The following GRM7 variants were observed in gnomAD, a reference collection of about 807,000 sequenced individuals.
The protein encoded by GRM7 is metabotropic glutamate receptor 7.
GRM7 carries 35 observed loss-of-function variants against 84.5 expected under a neutral mutation model. The ratio of observed to expected loss-of-function variants is 0.41; its 90% CI spans 0.32 to 0.55. The LOEUF (loss-of-function observed/expected upper bound fraction) is 0.55, where lower values mean the gene tolerates loss of function less well. Among genes scored for constraint, GRM7 ranks in the 20% least tolerant of loss-of-function variants. The pLI is 0.19. For synonymous variants in GRM7, 487 were observed against 455.1 expected, an observed-to-expected ratio of 1.07 and a Z score of -0.89; for missense variants, 1,003 against 1,194.6, an observed-to-expected ratio of 0.84 and a Z score of 2.36.
chr3:7,679,850 C>T (rs138731363), intron 8 of GRM7, among the ~76,000 whole-genome samples, 199 bp from the exon 9 acceptor site: 3 of 152,282 alleles, frequency 2.0e-5, no homozygotes, highest in African/African-American at 7.2e-5. Context: ...TGGATTGACC[C>T]AATAGCATTC....
intron 2 of GRM7, among the ~76,000 whole-genome samples, chr3:7,232,376 A>G (rs550538348): frequency 2.2e-4 from 33 of 152,310 alleles, no homozygotes; most frequent in African/African-American, 7.7e-4. Context: ...GAGTTGAGAT[A>G]CCATAAAGAG....
intron 1 of GRM7, chr3:6,956,603 C>T (rs1341851877): frequency 2.2e-6 from 1 of 456,680 alleles, no homozygotes; most frequent in Non-Finnish European, 4.4e-6. Flanking sequence ...TTTCCCAATC[C>T]TAAACGTCCT....
chr3:7,622,850 C>T (rs1242117387), intron 8 of GRM7, among the ~76,000 whole-genome samples: 2 of 152,116 alleles, frequency 1.3e-5, no homozygotes, highest in Non-Finnish European at 2.9e-5. Context: ...CGTGTTATTT[C>T]CTCTGACCCT....
chr3:6,885,269 C>T (rs1405033570), intron 1 of GRM7, among the ~76,000 whole-genome samples: 2 of 152,154 alleles, frequency 1.3e-5, no homozygotes, highest in Non-Finnish European at 2.9e-5. Context: ...AGCAGGGCTA[C>T]CCCCTAGGCA....
chr3:7,627,671 G>C (rs1475638757), intron 8 of GRM7, among the ~76,000 whole-genome samples: 1 of 152,152 alleles, frequency 6.6e-6, no homozygotes, highest in Non-Finnish European at 1.5e-5. Context: ...GAACTGGGTG[G>C]TGGAAACAAC....
chr3:7,000,312 C>T (rs1488412625), intron 1 of GRM7, among the ~76,000 whole-genome samples: 1 of 151,800 alleles, frequency 6.6e-6, no homozygotes, highest in Non-Finnish European at 1.5e-5. Context: ...GCTGAGATTA[C>T]AGGTGCCTGC....
intron 2 of GRM7, among the ~76,000 whole-genome samples, chr3:7,249,653 C>G (rs1463807461): frequency 6.6e-6 from 1 of 151,912 alleles, no homozygotes; most frequent in Non-Finnish European, 1.5e-5. Context: ...TGTATTGAAA[C>G]AGACAAATCA....
intron 2 of GRM7, among the ~76,000 whole-genome samples, chr3:7,251,684 A>G (rs1325018100): frequency 2.6e-5 from 4 of 152,150 alleles, no homozygotes; most frequent in African/African-American, 9.7e-5. Flanking sequence ...AAGCACATTA[A>G]CTACCAGTCA....
At chr3:6,917,338 G>A (rs1034993541) in intron 1 of GRM7, among the ~76,000 whole-genome samples, 1 of 148,206 alleles carries the variant, frequency 6.7e-6, no homozygotes, top group Non-Finnish European at 1.5e-5. Flanking sequence ...TAAGTAAATT[G>A]TAAGTGATAA....
intron 5 of GRM7, among the ~76,000 whole-genome samples, chr3:7,435,851 C>CTTTTTTTT (rs34860272): frequency 7.6e-3 from 681 of 89,156 alleles, no homozygotes; most frequent in Non-Finnish European, 8.5e-3. Context: ...CCACACCCAT[C>CTTTTTTTT]TTTTTTTTTT....
intron 1 of GRM7, among the ~76,000 whole-genome samples, chr3:6,864,658 A>T (rs1253817229): frequency 6.6e-6 from 1 of 152,228 alleles, no homozygotes; most frequent in Non-Finnish European, 1.5e-5. Context: ...TTTAGGGACC[A>T]TGCCAAACCG....
chr3:7,092,512 A>G (rs1458860449), intron 1 of GRM7, among the ~76,000 whole-genome samples: 34 of 151,958 alleles, frequency 2.2e-4, no homozygotes, highest in Admixed American at 2.2e-3. Context: ...TAAATAGTCA[A>G]ATGCTTACTG....
chr3:6,893,734 C>G (rs998402999), intron 1 of GRM7, among the ~76,000 whole-genome samples: 2 of 152,074 alleles, frequency 1.3e-5, no homozygotes, highest in South Asian at 4.1e-4. Flanking sequence ...ATTTCCTTAC[C>G]AAACATTTTA....
At chr3:7,208,805 G>GGTGGT (rs1280836998) in intron 2 of GRM7, among the ~76,000 whole-genome samples, 1 of 152,158 alleles carries the variant, frequency 6.6e-6, no homozygotes, top group Non-Finnish European at 1.5e-5. Flanking sequence ...TAAGAGCAAA[G>GGTGGT]GTGGTGAACA....
At chr3:7,450,770 G>A (rs1456164457) in intron 5 of GRM7, among the ~76,000 whole-genome samples, 1 of 151,924 alleles carries the variant, frequency 6.6e-6, no homozygotes, top group Non-Finnish European at 1.5e-5. Flanking sequence ...CCCGTGACAG[G>A]CAGTGAGCAT....
At chr3:7,661,663 G>A (rs373890904) in intron 8 of GRM7, among the ~76,000 whole-genome samples, 3 of 151,360 alleles carry the variant, frequency 2.0e-5, no homozygotes, top group Non-Finnish European at 4.4e-5. Flanking sequence ...GCGTCGTGGC[G>A]GGCGCCTGTG....
At chr3:7,671,376 C>G (rs1699913537) in intron 8 of GRM7, among the ~76,000 whole-genome samples, 1 of 152,092 alleles carries the variant, frequency 6.6e-6, no homozygotes. Context: ...GACACTGCAT[C>G]AGGCTTCCAG....
intron 1 of GRM7, among the ~76,000 whole-genome samples, chr3:6,960,450 T>A (rs1244857758): frequency 1.3e-5 from 2 of 152,046 alleles, no homozygotes; most frequent in African/African-American, 4.8e-5. Context: ...CACTAATTTA[T>A]CTCCCACCAA....
chr3:7,578,900 G>C lies in GRM7; in HGVS notation c.1994G>C (p.Gly665Ala). 6.2e-7 allele frequency: 1 copy of C among 1,614,126 alleles called. No homozygotes were observed. The highest frequency in any genetic ancestry group is 8.5e-7 in the Non-Finnish European group (1 of 1,180,024). The change falls in exon 8 of 10, where the codon GGT becomes GCT. Residue 665 changes from glycine to alanine, a missense_variant. Physicochemically the swap from Gly to Ala is moderately conservative, Grantham distance 60 (BLOSUM62 0). Coordinates refer to ENST00000357716, the MANE Select transcript of GRM7 (RefSeq NM_000844.4). ...TTCCGGCGAGTTTTCTTGGGCTTGGGTATGTGCATCAGTTATGCAGCCCTC... is the reference window on the plus strand; with the variant it reads ...TTCCGGCGAGTTTTCTTGGGCTTGGCTATGTGCATCAGTTATGCAGCCCTC... Reference protein sequence around the residue: ...CSFRRVFLGLGMCISYAALLT... With the variant: ...CSFRRVFLGLAMCISYAALLT...
Sources: gnomAD v4.1 joint callset for allele counts (sites outside exome capture counted in the v4.1 genomes callset) on GRCh38, gnomAD v4.1.1 for gene constraint, MANE v1.5 for transcripts, NCBI Gene and HGNC (gene_info 2026-07-23, HGNC 2026-07-21) for gene names.